The following GMPR variants were observed in gnomAD, a reference collection of about 807,000 sequenced individuals.
GMPR encodes the protein GMP reductase 1.
Under a neutral mutation model 38.4 loss-of-function variants are expected in GMPR, and 31 were observed. That is an observed-to-expected ratio of 0.81 (90% CI 0.61 to 1.09). The LOEUF (loss-of-function observed/expected upper bound fraction) is 1.09, where lower values mean the gene tolerates loss of function less well. Among genes scored for constraint, GMPR ranks in the 50% least tolerant of loss-of-function variants. GMPR has a pLI of 0.00. For missense variants in GMPR, 468 were observed against 453.7 expected, an observed-to-expected ratio of 1.03 and a Z score of -0.29; for synonymous variants, 162 against 173.3, an observed-to-expected ratio of 0.93 and a Z score of 0.51.
chr6:16,284,904 A>AGGAG, intron 6 of GMPR, among the ~76,000 whole-genome samples: 1 of 151,962 alleles, frequency 6.6e-6, no homozygotes, highest in South Asian at 2.1e-4. Flanking sequence ...CTTGTAATCC[A>AGGAG]GCTACTCAGG....
At chr6:16,249,091 C>T (rs1758814654) in intron 2 of GMPR, among the ~76,000 whole-genome samples, 1 of 152,076 alleles carries the variant, frequency 6.6e-6, no homozygotes, top group Non-Finnish European at 1.5e-5. Context: ...GGCAAGGTGT[C>T]CAATCTCCGT....
chr6:16,278,033 A>G lies in GMPR; in HGVS notation c.548-751A>G, dbSNP rs78733686. ...CCTGGACCTAACTGGGAGAACAACC[A>G]GGACTGGGGCTGACCGTGGGACAGG... is the stretch of plus-strand genomic sequence containing the variant. On this transcript the variant is annotated intron_variant, in intron 5 of 8. Coordinates refer to ENST00000259727, the MANE Select transcript of GMPR (RefSeq NM_006877.4). 2.6e-5 allele frequency among the ~76,000 whole-genome samples: 4 copies of G among 152,308 alleles called. No individual in the cohort carries two copies. The East Asian group carries it at 7.7e-4, about 29-fold the overall frequency.
chr6:16,243,918 C>G (rs1758706380), intron 1 of GMPR, among the ~76,000 whole-genome samples: 1 of 152,162 alleles, frequency 6.6e-6, no homozygotes, highest in Non-Finnish European at 1.5e-5. Context: ...GGCTAAGTGG[C>G]AGTTGTTCAT....
At chr6:16,248,467 C>A (rs1010200881) in intron 2 of GMPR, among the ~76,000 whole-genome samples, 1 of 151,294 alleles carries the variant, frequency 6.6e-6, no homozygotes, top group African/African-American at 2.4e-5. Context: ...ATAATGCCTG[C>A]CAAGTGAAAA....
chr6:16,249,922 G>A (rs1440344153), intron 2 of GMPR, among the ~76,000 whole-genome samples: 1 of 152,208 alleles, frequency 6.6e-6, no homozygotes, highest in Non-Finnish European at 1.5e-5. Flanking sequence ...GGGACCTGCT[G>A]CCTGGTTTTC....
chr6:16,291,138 G>A (rs764119306), intron 8 of GMPR, among the ~76,000 whole-genome samples: 4 of 152,186 alleles, frequency 2.6e-5, no homozygotes, highest in South Asian at 2.1e-4. Context: ...TCCGAGAGCC[G>A]ACACAGCAGC....
chr6:16,279,452 T>C (rs1027827590), intron 6 of GMPR, among the ~76,000 whole-genome samples: 1 of 152,246 alleles, frequency 6.6e-6, no homozygotes, highest in Non-Finnish European at 1.5e-5. Flanking sequence ...GCATCTTAAC[T>C]GATGACGTGT....
At chr6:16,247,063 T>C in intron 2 of GMPR, 102 bp downstream of exon 2, 2 of 1,097,312 alleles carry the variant, frequency 1.8e-6, no homozygotes, top group East Asian at 2.5e-5. Flanking sequence ...AGAGTAGAAA[T>C]GTGAGCTGCT....
intron 4 of GMPR, among the ~76,000 whole-genome samples, chr6:16,272,076 G>T (rs189873891): frequency 1.3e-5 from 2 of 152,166 alleles, no homozygotes; most frequent in Non-Finnish European, 2.9e-5. Context: ...CCAGGCAGTG[G>T]GGGCGTGTGC....
chr6:16,266,663 T>C (rs1343697508), intron 4 of GMPR, among the ~76,000 whole-genome samples: 5 of 151,286 alleles, frequency 3.3e-5, no homozygotes, highest in Admixed American at 1.3e-4. Flanking sequence ...AAGAAAAAAT[T>C]AGCCGGGCGC....
chr6:16,267,533 C>T (rs974362357), intron 4 of GMPR, among the ~76,000 whole-genome samples: 1 of 152,116 alleles, frequency 6.6e-6, no homozygotes, highest in Non-Finnish European at 1.5e-5. Flanking sequence ...CTGAAGTCAG[C>T]AAGACCATGA....
At chr6:16,243,738 C>A (rs376329208) in intron 1 of GMPR, among the ~76,000 whole-genome samples, 1 of 152,174 alleles carries the variant, frequency 6.6e-6, no homozygotes, top group East Asian at 1.9e-4. Context: ...CCTCACTGGG[C>A]AGGGCCTGTG....
intron 4 of GMPR, among the ~76,000 whole-genome samples, chr6:16,268,317 CTTTT>C (rs996389879): frequency 2.6e-5 from 4 of 152,136 alleles, no homozygotes; most frequent in Non-Finnish European, 5.9e-5. Flanking sequence ...TGATACTCCT[CTTTT>C]TTGTTGTTGT....
intron 5 of GMPR, 31 bp from the exon 6 acceptor site, chr6:16,278,753 C>G (rs1296310133): frequency 7.0e-7 from 1 of 1,427,830 alleles, no homozygotes; most frequent in Non-Finnish European, 9.9e-7. Context: ...GTATAACCAT[C>G]TATTTGGGGA....
At chr6:16,270,192 A>T (rs1049514832) in intron 4 of GMPR, among the ~76,000 whole-genome samples, 2 of 152,088 alleles carry the variant, frequency 1.3e-5, no homozygotes, top group South Asian at 4.1e-4. Flanking sequence ...ATGACCTTCA[A>T]CCTCTCCTTG....
chr6:16,279,224 C>T (rs999806344), intron 6 of GMPR, among the ~76,000 whole-genome samples: 1 of 152,184 alleles, frequency 6.6e-6, no homozygotes, highest in Admixed American at 6.5e-5. Flanking sequence ...TTCAGTGTCT[C>T]ACCATTCTGG....
At chr6:16,278,474 C>T (rs563253354) in intron 5 of GMPR, among the ~76,000 whole-genome samples, 5 of 152,188 alleles carry the variant, frequency 3.3e-5, no homozygotes, top group Admixed American at 3.3e-4. Flanking sequence ...AAGGTCAGTG[C>T]CTGGCTATTG....
At chr6:16,294,156 T>G (rs1284389794) in intron 8 of GMPR, among the ~76,000 whole-genome samples, 1 of 152,174 alleles carries the variant, frequency 6.6e-6, no homozygotes, top group African/African-American at 2.4e-5. Context: ...CTTGAGTTTC[T>G]AAATACTCCT....
At chr6:16,289,342 C>T (rs1185421414) in intron 7 of GMPR, among the ~76,000 whole-genome samples, 3 of 152,198 alleles carry the variant, frequency 2.0e-5, no homozygotes, top group East Asian at 1.9e-4. Flanking sequence ...AGTTAATAGG[C>T]AATGAAGAAT....
Sources: gnomAD v4.1 joint callset for allele counts (sites outside exome capture counted in the v4.1 genomes callset) on GRCh38, gnomAD v4.1.1 for gene constraint, MANE v1.5 for transcripts, NCBI Gene and HGNC (gene_info 2026-07-23, HGNC 2026-07-21) for gene names.